Variants in PCNX2 observed in about 807,000 individuals in gnomAD.
The protein encoded by PCNX2 is pecanex 2.
PCNX2 carries 168 observed loss-of-function variants against 223.8 expected under a neutral mutation model. The observed-to-expected ratio is 0.75, with a 90% CI of 0.66 to 0.85. PCNX2 has a LOEUF of 0.85. Among genes scored for constraint, PCNX2 ranks in the 40% least tolerant of loss-of-function variants. The pLI is 0.00. For synonymous variants in PCNX2, 1,006 were observed against 1,052.6 expected, an observed-to-expected ratio of 0.96 and a Z score of 0.86; for missense variants, 2,507 against 2,675.5, an observed-to-expected ratio of 0.94 and a Z score of 1.39.
intron 19 of PCNX2, among the ~76,000 whole-genome samples, chr1:233,144,953 G>GTTTTTTTTTTTGTTTT (rs1677342971): frequency 7.3e-6 from 1 of 137,122 alleles, no homozygotes. Flanking sequence ...TTGTTGTTTT[G>GTTTTTTTTTTTGTTTT]TTTTTTTTTT....
chr1:233,090,174 G>C lies in PCNX2; in HGVS notation c.3963C>G (p.Phe1321Leu), dbSNP rs267598415. The C allele has an allele frequency of 2.5e-6, 4 of 1,612,270 alleles. No individual in the cohort carries two copies. Among genetic ancestry groups the C allele is most frequent in the African/African-American group, 1.3e-5 (1 of 74,752 alleles). ...AGATTGATGTGGCAATCGTCTGAAA[G>C]AAAAGCATGGCAGAATCTGAGAATG... ...LFAIPHSAML[F>L]FQTIATSIFS... The change falls in exon 23 of 34, where the codon TTC becomes TTG. Residue 1321 changes from phenylalanine to leucine, a missense_variant. Around this residue, in one of 3 missense-constraint regions of PCNX2, gnomAD observed 1,372 missense variants for 1,509.4 expected, o/e 0.91. Coordinates refer to ENST00000258229, the MANE Select transcript of PCNX2 (RefSeq NM_014801.4).
At chr1:233,119,790 G>C (rs1358449530) in intron 21 of PCNX2, among the ~76,000 whole-genome samples, 1 of 151,980 alleles carries the variant, frequency 6.6e-6, no homozygotes, top group African/African-American at 2.4e-5. Context: ...TACTACGAAA[G>C]ACCCTATTAA....
intron 9 of PCNX2, chr1:233,232,893 A>C (rs138947606): frequency 7.1e-6 from 7 of 984,608 alleles, no homozygotes; most frequent in Non-Finnish European, 8.4e-6. Context: ...TAATGCCACT[A>C]TCATAGACTT....
intron 21 of PCNX2, among the ~76,000 whole-genome samples, chr1:233,121,736 C>G (rs1487306210): frequency 6.6e-6 from 1 of 152,066 alleles, no homozygotes; most frequent in African/African-American, 2.4e-5. Flanking sequence ...GGGGAAAAGG[C>G]TAGAATGATC....
At chr1:233,019,005 T>G (rs1670783820) in intron 26 of PCNX2, 1 of 985,284 alleles carries the variant, frequency 1.0e-6, no homozygotes, top group Non-Finnish European at 1.2e-6. Context: ...CCACCCTCCC[T>G]CTCTGGCTCT....
chr1:233,103,408 T>A (rs1324756618), intron 21 of PCNX2, among the ~76,000 whole-genome samples: 3 of 152,036 alleles, frequency 2.0e-5, no homozygotes, highest in African/African-American at 7.2e-5. Context: ...CCATTAACCA[T>A]CACCACCTCC....
At chr1:233,039,669 A>G (rs1253012720) in intron 25 of PCNX2, among the ~76,000 whole-genome samples, 1 of 152,178 alleles carries the variant, frequency 6.6e-6, no homozygotes, top group Non-Finnish European at 1.5e-5. Flanking sequence ...TTAATTTTTC[A>G]TCGTCTGCAG....
At chr1:233,007,065 AC>A (rs1670310779) in intron 28 of PCNX2, among the ~76,000 whole-genome samples, 1 of 151,916 alleles carries the variant, frequency 6.6e-6, no homozygotes, top group Non-Finnish European at 1.5e-5. Flanking sequence ...AATTCCCCAA[AC>A]AAAAACAATG....
chr1:233,019,642 G>A (rs1670804818), intron 26 of PCNX2, among the ~76,000 whole-genome samples: 1 of 152,236 alleles, frequency 6.6e-6, no homozygotes, highest in South Asian at 2.1e-4. Context: ...CAGGATGAGC[G>A]TGGGACTCAG....
At chr1:233,024,101 TG>T (rs553339308) in intron 26 of PCNX2, among the ~76,000 whole-genome samples, 2 of 152,138 alleles carry the variant, frequency 1.3e-5, no homozygotes, top group African/African-American at 2.4e-5. Flanking sequence ...TTTGTAGAGA[TG>T]GGGGGTCTTG....
In PCNX2 at chr1:233,252,451, T is replaced by C. The variant is rs1303942546; in HGVS notation, c.2031A>G (p.Gln677=). Residue 677 remains glutamine (Q), a synonymous_variant, in exon 7 of 34, where the codon CAA becomes CAG. Coordinates refer to ENST00000258229, the MANE Select transcript of PCNX2 (RefSeq NM_014801.4). ...TGACTTGCAAGACAGAACTATCTTGTTGGGAAGTTACCCTGTAGATTATCT... is the reference window on the plus strand; with the variant it reads ...TGACTTGCAAGACAGAACTATCTTGCTGGGAAGTTACCCTGTAGATTATCT... ...QRQIIYRVTS[Q]QDSSVLQVIS... 6.2e-7 allele frequency: 1 copy of C among 1,613,718 alleles called. No individual in the cohort carries two copies. Among genetic ancestry groups the C allele is most frequent in the South Asian group, 1.1e-5 (1 of 91,062 alleles).
intron 23 of PCNX2, among the ~76,000 whole-genome samples, chr1:233,061,884 G>A (rs1374268098): frequency 2.6e-5 from 4 of 151,876 alleles, no homozygotes; most frequent in Non-Finnish European, 4.4e-5. Flanking sequence ...TCAGCCTCCC[G>A]AGTAGCTGGG....
intron 23 of PCNX2, among the ~76,000 whole-genome samples, chr1:233,080,095 C>G (rs1033740908): frequency 2.0e-5 from 3 of 152,158 alleles, no homozygotes; most frequent in African/African-American, 7.2e-5. Flanking sequence ...GCTGTCTGTT[C>G]CCAGGTTTGT....
chr1:233,216,798 A>T (rs1656956919), intron 12 of PCNX2, among the ~76,000 whole-genome samples: 1 of 152,182 alleles, frequency 6.6e-6, no homozygotes, highest in African/African-American at 2.4e-5. Context: ...AAGACATGGT[A>T]TCAACCTAAA....
At chr1:233,153,929 T>C (rs1391414925) in intron 19 of PCNX2, among the ~76,000 whole-genome samples, 2 of 152,202 alleles carry the variant, frequency 1.3e-5, no homozygotes, top group Non-Finnish European at 2.9e-5. Flanking sequence ...AACTAGTCTA[T>C]CTGTAAACTG....
chr1:233,158,234 T>C (rs1024697738), intron 19 of PCNX2, among the ~76,000 whole-genome samples: 3 of 152,232 alleles, frequency 2.0e-5, no homozygotes, highest in African/African-American at 4.8e-5. Context: ...TGTTGAATTC[T>C]ACACTCTGAA....
At chr1:233,207,132 G>T (rs1161734823) in intron 13 of PCNX2, among the ~76,000 whole-genome samples, 1 of 152,132 alleles carries the variant, frequency 6.6e-6, no homozygotes, top group Non-Finnish European at 1.5e-5. Context: ...GGCACTGGGG[G>T]AGTAAGAATG....
intron 1 of PCNX2, among the ~76,000 whole-genome samples, chr1:233,264,655 G>A (rs542387783): frequency 1.1e-4 from 16 of 152,162 alleles, no homozygotes; most frequent in Admixed American, 2.6e-4. Context: ...AATAAGTGAC[G>A]GAATAACTAT....
At chr1:233,074,401 C>T (rs868777101) in intron 23 of PCNX2, among the ~76,000 whole-genome samples, 194 of 151,754 alleles carry the variant, frequency 1.3e-3, no homozygotes, top group Non-Finnish European at 2.2e-3. Flanking sequence ...GAGACCATCC[C>T]GGCTAAAACG....
Sources: allele counts gnomAD v4.1 joint callset (sites outside exome capture counted in the v4.1 genomes callset), GRCh38; gene constraint gnomAD v4.1.1; regional missense constraint gnomAD v4.1.1; transcripts MANE v1.5; gene names NCBI Gene and HGNC (gene_info 2026-07-23, HGNC 2026-07-21).